The following STAG1 variants were observed in gnomAD, a reference collection of about 807,000 sequenced individuals.
STAG1 encodes the protein STAG1 cohesin complex component, also known as cohesin subunit SA-1.
A neutral mutation model predicts 170.9 loss-of-function variants in STAG1; 26 were observed. That is an observed-to-expected ratio of 0.15 (90% CI 0.11 to 0.21). The LOEUF (loss-of-function observed/expected upper bound fraction) is 0.21. STAG1 is among the 10% of genes least tolerant of loss of function. The pLI is 1.00. For missense variants in STAG1, 964 were observed against 1,509.5 expected, an observed-to-expected ratio of 0.64 and a Z score of 5.99; for synonymous variants, 514 against 497.7, an observed-to-expected ratio of 1.03 and a Z score of -0.44.
At chr3:136,614,180 C>A (rs994639849) in intron 3 of STAG1, among the ~76,000 whole-genome samples, 7 of 152,188 alleles carry the variant, frequency 4.6e-5, no homozygotes, top group African/African-American at 1.7e-4. Flanking sequence ...TGTGCCACTG[C>A]ACTCCAGCGT....
chr3:136,556,025 C>G (rs1936600012), intron 5 of STAG1, among the ~76,000 whole-genome samples: 1 of 151,982 alleles, frequency 6.6e-6, no homozygotes, highest in Non-Finnish European at 1.5e-5. Context: ...TATATCATGA[C>G]CAAGTTGAAT....
At chr3:136,507,717 A>G (rs1202068350) in intron 7 of STAG1, among the ~76,000 whole-genome samples, 1 of 152,122 alleles carries the variant, frequency 6.6e-6, no homozygotes, top group African/African-American at 2.4e-5. Flanking sequence ...ACTCATCACT[A>G]TTTTTTAATA....
intron 23 of STAG1, among the ~76,000 whole-genome samples, chr3:136,369,524 C>G (rs931003181): frequency 4.6e-5 from 7 of 151,968 alleles, no homozygotes; most frequent in African/African-American, 1.7e-4. Context: ...TTTGCTGTAT[C>G]AACTCAAAAA....
chr3:136,339,362 A>C (rs953018355), intron 32 of STAG1, among the ~76,000 whole-genome samples: 9 of 152,172 alleles, frequency 5.9e-5, no homozygotes, highest in Admixed American at 4.6e-4. Context: ...GTCTCTACTA[A>C]AAATATAAAA....
intron 4 of STAG1, chr3:136,586,972 A>G (rs1488818338): frequency 2.2e-6 from 1 of 444,888 alleles, no homozygotes; most frequent in South Asian, 1.6e-5. Flanking sequence ...AGATTCCTGA[A>G]TCATCCTATG....
chr3:136,747,255 A>G, intron 1 of STAG1, among the ~76,000 whole-genome samples: 1 of 151,302 alleles, frequency 6.6e-6, no homozygotes. Flanking sequence ...CCTGGGCGAC[A>G]GAGCAAGACT....
At chr3:136,603,842 G>A (rs760648898) in intron 4 of STAG1, among the ~76,000 whole-genome samples, 17 of 152,048 alleles carry the variant, frequency 1.1e-4, no homozygotes, top group Non-Finnish European at 2.4e-4. Flanking sequence ...AGCCAAGATC[G>A]TGCCACTGCA....
At chr3:136,574,402 A>G (rs1020678395) in intron 4 of STAG1, among the ~76,000 whole-genome samples, 5 of 152,074 alleles carry the variant, frequency 3.3e-5, no homozygotes, top group African/African-American at 7.2e-5. Context: ...TGATGTAACT[A>G]TAACAATAAC....
intron 15 of STAG1, among the ~76,000 whole-genome samples, chr3:136,440,428 C>T (rs1333834754): frequency 1.3e-5 from 2 of 151,958 alleles, no homozygotes; most frequent in East Asian, 1.9e-4. Flanking sequence ...TGAGCCACTG[C>T]GCCCTGCCCT....
At chr3:136,752,035 CCCCGCACGGGG>C (rs1245186990) in intron 1 of STAG1, among the ~76,000 whole-genome samples, 149 bp downstream of exon 1, 1 of 151,024 alleles carries the variant, frequency 6.6e-6, no homozygotes, top group Non-Finnish European at 1.5e-5. Context: ...GGCCTCCCTC[CCCCGCACGGGG>C]CCCGCGCCCG....
intron 16 of STAG1, among the ~76,000 whole-genome samples, 198 bp downstream of exon 16, chr3:136,433,358 C>T (rs1266019813): frequency 6.6e-6 from 1 of 151,844 alleles, no homozygotes; most frequent in African/African-American, 2.4e-5. Flanking sequence ...GGTACAGGTG[C>T]TATGGGAGCA....
chr3:136,546,039 T>C (rs998229769), intron 5 of STAG1, among the ~76,000 whole-genome samples: 14 of 152,298 alleles, frequency 9.2e-5, no homozygotes, highest in African/African-American at 3.4e-4. Flanking sequence ...ACAGAAACTT[T>C]ACCAAATACT....
At chr3:136,587,066 A>G in intron 4 of STAG1, 1 of 341,670 alleles carries the variant, frequency 2.9e-6, no homozygotes, top group Admixed American at 3.8e-5. Flanking sequence ...ACTGATTTAA[A>G]GTACATTTTT....
At chr3:136,658,585 A>G (rs1941471461) in intron 1 of STAG1, among the ~76,000 whole-genome samples, 1 of 152,242 alleles carries the variant, frequency 6.6e-6, no homozygotes, top group Admixed American at 6.5e-5. Flanking sequence ...GCAGATATGT[A>G]AAATAAGCTA....
chr3:136,435,797 G>C (rs1427329731), intron 15 of STAG1, among the ~76,000 whole-genome samples: 1 of 151,916 alleles, frequency 6.6e-6, no homozygotes, highest in Non-Finnish European at 1.5e-5. Flanking sequence ...AGCCTCCCTA[G>C]TAGCTGGGAT....
chr3:136,381,023 CGAAAAAAAAAAAA>C (rs1937927014), intron 22 of STAG1, among the ~76,000 whole-genome samples: 1 of 115,630 alleles, frequency 8.6e-6, no homozygotes, highest in Admixed American at 9.8e-5. Flanking sequence ...GACCCTGTCT[CGAAAAAAAAAAAA>C]GAAAAAAAAA....
chr3:136,343,485 CAACTT>C lies in STAG1; in HGVS notation c.3446+342_3446+346del, dbSNP rs555772804. Among the ~76,000 whole-genome samples, 514 of 152,302 alleles carry C rather than the reference CAACTT, an allele frequency of 3.4e-3. 1 individual carries two copies. Among genetic ancestry groups the C allele is most frequent in the African/African-American group, 8.8e-3 (367 of 41,550 alleles). Reference sequence around the variant, plus strand: ...ATTTATTTGGTGTCCAGACTACTGACAACTTAATATAGGCTCTTACAGGTTTTCTT... The same window carrying C: ...ATTTATTTGGTGTCCAGACTACTGACAATATAGGCTCTTACAGGTTTTCTT... On this transcript the variant is annotated intron_variant, in intron 30 of 33. Coordinates refer to ENST00000383202, the MANE Select transcript of STAG1 (RefSeq NM_005862.3).
intron 1 of STAG1, among the ~76,000 whole-genome samples, chr3:136,745,452 T>G (rs538063166): frequency 6.6e-6 from 1 of 152,104 alleles, no homozygotes; most frequent in African/African-American, 2.4e-5. Context: ...TTTCCACGGA[T>G]GGGGTGGGGA....
At chr3:136,394,327 T>C (rs1358488189) in intron 22 of STAG1, among the ~76,000 whole-genome samples, 1 of 152,228 alleles carries the variant, frequency 6.6e-6, no homozygotes, top group Non-Finnish European at 1.5e-5. Flanking sequence ...GAATATACCC[T>C]GGACTTTTAA....
Sources: allele counts gnomAD v4.1 joint callset (sites outside exome capture counted in the v4.1 genomes callset), GRCh38; gene constraint gnomAD v4.1.1; transcripts MANE v1.5; gene names NCBI Gene and HGNC (gene_info 2026-07-23, HGNC 2026-07-21).